RORB: variants seen among roughly 807,000 people sequenced by gnomAD.
The protein encoded by RORB is RAR related orphan receptor B, also known as nuclear receptor ROR-beta.
In RORB, 6 loss-of-function variants were observed where a neutral mutation model predicts 59.1. The ratio of observed to expected loss-of-function variants is 0.10; its 90% CI spans 0.06 to 0.20. RORB has a LOEUF of 0.20. RORB is among the 10% of genes least tolerant of loss of function. The pLI, the probability that RORB is intolerant of heterozygous loss-of-function variation, is 1.00. For missense variants in RORB, 320 were observed against 560.5 expected (o/e 0.57, Z 4.33); for synonymous variants, 215 against 204.5 (o/e 1.05, Z -0.44).
At chr9:74,512,397 A>G (rs1587334239) in intron 1 of RORB, among the ~76,000 whole-genome samples, 2 of 152,186 alleles carry the variant, frequency 1.3e-5, no homozygotes, top group Non-Finnish European at 2.9e-5. Context: ...TGCTCATAAG[A>G]CTGTTATAAA....
At chr9:74,683,190 A>G (rs1255958767) in intron 9 of RORB, among the ~76,000 whole-genome samples, 1 of 152,188 alleles carries the variant, frequency 6.6e-6, no homozygotes, top group Non-Finnish European at 1.5e-5. Context: ...ACTGCAGATG[A>G]TTGTAGAAAG....
At chr9:74,662,701 C>A in intron 6 of RORB, 95 bp downstream of exon 6, 1 of 1,317,280 alleles carries the variant, frequency 7.6e-7, no homozygotes, top group Non-Finnish European at 1.1e-6. Context: ...TTCCGATATG[C>A]AGCTCGTTTC....
At chr9:74,671,529 C>A (rs1026193433) in intron 8 of RORB, among the ~76,000 whole-genome samples, 4 of 152,116 alleles carry the variant, frequency 2.6e-5, no homozygotes, top group Admixed American at 2.0e-4. Flanking sequence ...TTGTCACAGA[C>A]AATAAGAAAC....
intron 1 of RORB, among the ~76,000 whole-genome samples, chr9:74,549,607 AG>A (rs1563934620): frequency 9.1e-4 from 46 of 50,608 alleles, no homozygotes; most frequent in African/African-American, 4.3e-3. Flanking sequence ...GAAGGAAGGA[AG>A]AAAGGAAGGA....
chr9:74,631,514 C>T (rs911915559), intron 2 of RORB, among the ~76,000 whole-genome samples: 6 of 152,136 alleles, frequency 3.9e-5, no homozygotes, highest in Non-Finnish European at 7.3e-5. Context: ...CAAGGCAAAA[C>T]ACACTGTAAC....
At chr9:74,676,447 T>C (rs1824442559) in intron 9 of RORB, among the ~76,000 whole-genome samples, 2 of 152,214 alleles carry the variant, frequency 1.3e-5, no homozygotes, top group African/African-American at 4.8e-5. Context: ...CAGCTCACCA[T>C]ATGCAGGCTT....
At chr9:74,586,154 A>G (rs924662769) in intron 1 of RORB, among the ~76,000 whole-genome samples, 1 of 152,162 alleles carries the variant, frequency 6.6e-6, no homozygotes, top group African/African-American at 2.4e-5. Flanking sequence ...TTAATGACCT[A>G]CAGATGTTAA....
Position 74,591,312 on chromosome 9 carries a change from G to T in RORB, c.8-38970G>T, listed in dbSNP as rs557429801. Among the ~76,000 whole-genome samples, 23 of 152,268 alleles carry T rather than the reference G, an allele frequency of 1.5e-4. No homozygotes were observed. In the South Asian group the frequency reaches 4.8e-3, roughly 32 times the overall value. On this transcript the variant is annotated intron_variant, in intron 1 of 9. Coordinates refer to ENST00000376896, the MANE Select transcript of RORB (RefSeq NM_006914.4). ...TAGAATTGGGACCATGATATCCTAT[G>T]CATATGAATGAACCGCTTTCCACTG...
chr9:74,620,585 T>C (rs1044864392), intron 1 of RORB, among the ~76,000 whole-genome samples: 1 of 152,212 alleles, frequency 6.6e-6, no homozygotes. Flanking sequence ...TGCCTTCTGC[T>C]AGCTTTTGAA....
chr9:74,514,979 C>G (rs948302964), intron 1 of RORB, among the ~76,000 whole-genome samples: 2 of 151,064 alleles, frequency 1.3e-5, no homozygotes, highest in Admixed American at 1.3e-4. Flanking sequence ...TCCTCAACTT[C>G]AACTCTATAT....
intron 1 of RORB, among the ~76,000 whole-genome samples, chr9:74,562,319 T>A (rs1355477004): frequency 1.3e-5 from 2 of 152,228 alleles, no homozygotes; most frequent in African/African-American, 4.8e-5. Flanking sequence ...GGAGTAGGAA[T>A]TCAAATAAAA....
At chr9:74,595,079 G>A (rs561465825) in intron 1 of RORB, among the ~76,000 whole-genome samples, 1 of 152,320 alleles carries the variant, frequency 6.6e-6, no homozygotes, top group African/African-American at 2.4e-5. Context: ...CCCTTCACCA[G>A]TTGAGTCACT....
At position 74,637,509 on chromosome 9, in the gene RORB, CAT is replaced by C. The variant is rs368360396; in HGVS notation, c.235+2738_235+2739del. 4.7e-4 allele frequency among the ~76,000 whole-genome samples: 71 copies of C among 152,188 alleles called. No individual in the cohort carries two copies. The South Asian group carries it at 4.8e-3, about 10-fold the overall frequency. ...CTTTATGTGTATAAAAAGGTGAAGACATGTGTGCATGTGTGTGTCTGTGTGTG... is the reference window on the plus strand; with the variant it reads ...CTTTATGTGTATAAAAAGGTGAAGACGTGTGCATGTGTGTGTCTGTGTGTG... On this transcript the variant is annotated intron_variant, in intron 3 of 9. Coordinates refer to ENST00000376896, the MANE Select transcript of RORB (RefSeq NM_006914.4).
At chr9:74,535,160 T>TTG (rs1047796257) in intron 1 of RORB, among the ~76,000 whole-genome samples, 12 of 146,870 alleles carry the variant, frequency 8.2e-5, no homozygotes, top group Non-Finnish European at 1.7e-4. Flanking sequence ...TGTGTGTGTG[T>TTG]TGTGTGTGTG....
At chr9:74,632,556 T>A (rs1823636899) in intron 2 of RORB, among the ~76,000 whole-genome samples, 1 of 152,152 alleles carries the variant, frequency 6.6e-6, no homozygotes, top group Admixed American at 6.5e-5. Context: ...TCAATAAAAT[T>A]TGGAACGCAA....
intron 1 of RORB, among the ~76,000 whole-genome samples, chr9:74,590,603 C>T (rs1822871676): frequency 6.6e-6 from 1 of 152,170 alleles, no homozygotes; most frequent in South Asian, 2.1e-4. Context: ...ACAGCGAGCT[C>T]TTTCCACGAT....
intron 1 of RORB, chr9:74,498,628 G>C (rs904138278): frequency 6.6e-6 from 1 of 152,478 alleles, no homozygotes; most frequent in Non-Finnish European, 1.5e-5. Flanking sequence ...CCAGGTCCTC[G>C]TGCCCGAGCC....
intron 7 of RORB, among the ~76,000 whole-genome samples, chr9:74,667,487 A>G (rs1267047648): frequency 1.3e-5 from 2 of 152,170 alleles, no homozygotes; most frequent in South Asian, 2.1e-4. Flanking sequence ...AATCATTTCA[A>G]ATTTATAAGG....
At chr9:74,656,594 G>A (rs1824085813) in intron 4 of RORB, among the ~76,000 whole-genome samples, 1 of 152,086 alleles carries the variant, frequency 6.6e-6, no homozygotes, top group Admixed American at 6.6e-5. Context: ...AAATTAGCCA[G>A]GTGTGGTGGT....
Sources: gnomAD v4.1 joint callset for allele counts (sites outside exome capture counted in the v4.1 genomes callset) on GRCh38, gnomAD v4.1.1 for gene constraint, MANE v1.5 for transcripts, NCBI Gene and HGNC (gene_info 2026-07-23, HGNC 2026-07-21) for gene names.